The following PCCB variants were observed in gnomAD, a reference collection of about 807,000 sequenced individuals.
PCCB encodes the protein propionyl-CoA carboxylase subunit beta.
Under a neutral mutation model 60.7 loss-of-function variants are expected in PCCB, and 43 were observed. The observed-to-expected ratio is 0.71, with a 90% CI of 0.55 to 0.91. The LOEUF (loss-of-function observed/expected upper bound fraction) is 0.91. Ranked by LOEUF, PCCB falls within the 40% of genes least tolerant of loss-of-function variation. PCCB has a pLI of 0.00. For missense variants in PCCB, 766 were observed against 702.8 expected (o/e 1.09, Z -1.02); for synonymous variants, 276 against 255.9 (o/e 1.08, Z -0.75).
Position 136,250,569 on chromosome 3 carries a change from A to AGGGGCCTAAGTGAGTCCCGC in PCCB, c.183+12_183+31dup, listed in dbSNP as rs745694339. On this transcript the variant is annotated intron_variant, in intron 1 of 14. Transcript: ENST00000251654. ...GCGCAGCACAAGCGAGTGAGTCCTG[A>AGGGGCCTAAGTGAGTCCCGC]GGGGCCTAAGTGAGTCCCGCCCCTG... The AGGGGCCTAAGTGAGTCCCGC allele has an allele frequency of 1.2e-5, 20 of 1,608,572 alleles. No individual in the cohort carries two copies. The highest frequency in any genetic ancestry group is 1.1e-4 in the East Asian group (5 of 44,778).
chr3:136,261,480 C>G (rs752861031), intron 4 of PCCB, among the ~76,000 whole-genome samples: 1 of 152,144 alleles, frequency 6.6e-6, no homozygotes, highest in Non-Finnish European at 1.5e-5. Context: ...ATTATGCTGT[C>G]GGAATTACTA....
At chr3:136,254,319 A>G (rs868023854) in intron 1 of PCCB, among the ~76,000 whole-genome samples, 3 of 151,764 alleles carry the variant, frequency 2.0e-5, no homozygotes, top group Middle Eastern at 3.2e-3. Context: ...CCTGGGTTCA[A>G]GCGATTCTCT....
At chr3:136,315,386 CTGGGCA>C (rs1381396523) in intron 9 of PCCB, among the ~76,000 whole-genome samples, 1 of 152,100 alleles carries the variant, frequency 6.6e-6, no homozygotes, top group Non-Finnish European at 1.5e-5. Context: ...AAAAAATTAG[CTGGGCA>C]TGGTGGTGCG....
intron 9 of PCCB, among the ~76,000 whole-genome samples, chr3:136,311,496 A>G (rs1457065753): frequency 6.6e-6 from 1 of 151,046 alleles, no homozygotes; most frequent in South Asian, 2.1e-4. Context: ...ATCACCACAC[A>G]CACCTGATTT....
chr3:136,304,653 G>A lies in PCCB; in HGVS notation c.966+3542G>A, dbSNP rs768586572. 1.9e-4 allele frequency among the ~76,000 whole-genome samples: 22 copies of A among 116,442 alleles called. 5 individuals are homozygous for A. Among genetic ancestry groups the A allele is most frequent in the Non-Finnish European group, 4.0e-4 (21 of 52,536 alleles). The allele number at this position is 116,442 out of a possible 152,430, so 76.4% of individuals were successfully genotyped here. A position where few individuals can be genotyped will look rare whatever the true frequency, so the allele number is the denominator to read the frequency against. ...GCCCGCCTTGGCCTCCCAAAGTGTT[G>A]GGATTACAGATGTGAGCCACTGTGC... On this transcript the variant is annotated intron_variant, in intron 9 of 14. Transcript: ENST00000251654.
At chr3:136,279,534 A>C (rs980041333) in intron 5 of PCCB, among the ~76,000 whole-genome samples, 1 of 152,152 alleles carries the variant, frequency 6.6e-6, no homozygotes, top group Non-Finnish European at 1.5e-5. Flanking sequence ...TTAGTAGTAC[A>C]TAGACATACT....
At chr3:136,299,034 C>T (rs1407403552) in intron 8 of PCCB, among the ~76,000 whole-genome samples, 1 of 152,084 alleles carries the variant, frequency 6.6e-6, no homozygotes, top group East Asian at 1.9e-4. Context: ...TCACAAGGTC[C>T]AGAGCTGTGG....
chr3:136,265,314 A>C (rs912288104), intron 5 of PCCB, among the ~76,000 whole-genome samples: 1 of 152,226 alleles, frequency 6.6e-6, no homozygotes, highest in African/African-American at 2.4e-5. Flanking sequence ...TCTAGTTTTC[A>C]AACCTGCCAC....
Position 136,329,936 on chromosome 3 carries a change from C to A in PCCB, c.1530C>A (p.Ser510=). The part of the protein sequence containing the change: ...GFVDDIIQPS[S]TRARICCDLD... ...TGGATGACATCATCCAACCTTCTTC[C>A]ACACGTGCCCGAATCTGCTGTGACC... is the stretch of plus-strand genomic sequence containing the variant. Residue 510 remains serine, a synonymous_variant, in exon 15 of 15, where the codon TCC becomes TCA. Transcript: ENST00000251654. 1 of 1,614,164 alleles carries A rather than the reference C, an allele frequency of 6.2e-7. No homozygotes were observed. The highest frequency in any genetic ancestry group is 8.5e-7 in the Non-Finnish European group (1 of 1,180,014).
At chr3:136,299,927 TG>T (rs1279324131) in intron 8 of PCCB, among the ~76,000 whole-genome samples, 1 of 151,932 alleles carries the variant, frequency 6.6e-6, no homozygotes, top group African/African-American at 2.4e-5. Context: ...TGTATGCATA[TG>T]TATATGTATA....
At chr3:136,287,702 C>T (rs1035287325) in intron 6 of PCCB, among the ~76,000 whole-genome samples, 3 of 152,222 alleles carry the variant, frequency 2.0e-5, no homozygotes, top group Non-Finnish European at 4.4e-5. Flanking sequence ...TCCTAAAGTG[C>T]TGGGAGTATA....
intron 6 of PCCB, among the ~76,000 whole-genome samples, chr3:136,286,958 G>A (rs962904331): frequency 6.6e-6 from 1 of 151,650 alleles, no homozygotes; most frequent in Non-Finnish European, 1.5e-5. Context: ...TTCAACCTGA[G>A]AGGCGGAGGT....
At chr3:136,319,407 T>C (rs1013231307) in intron 10 of PCCB, among the ~76,000 whole-genome samples, 2 of 150,152 alleles carry the variant, frequency 1.3e-5, no homozygotes, top group Non-Finnish European at 2.9e-5. Flanking sequence ...TTTTTTGAGA[T>C]GGAGTCTCGC....
chr3:136,320,257 A>G (rs1348912459), intron 10 of PCCB, among the ~76,000 whole-genome samples: 1 of 152,188 alleles, frequency 6.6e-6, no homozygotes, highest in Non-Finnish European at 1.5e-5. Context: ...TTTGATAGGG[A>G]TGGTGTTGAA....
chr3:136,285,808 T>G (rs1933376417), intron 6 of PCCB, among the ~76,000 whole-genome samples: 1 of 152,244 alleles, frequency 6.6e-6, no homozygotes, highest in Non-Finnish European at 1.5e-5. Context: ...ATTTTCTGCT[T>G]ACAAAACTTT....
intron 6 of PCCB, among the ~76,000 whole-genome samples, chr3:136,284,778 G>A (rs1436489891): frequency 2.0e-5 from 3 of 152,102 alleles, no homozygotes; most frequent in Non-Finnish European, 4.4e-5. Flanking sequence ...AACAATAAGA[G>A]TGTCTTTTAT....
intron 10 of PCCB, among the ~76,000 whole-genome samples, chr3:136,318,100 A>AG (rs1488669865): frequency 1.3e-5 from 2 of 152,186 alleles, no homozygotes; most frequent in African/African-American, 2.4e-5. Context: ...GCACTTTGGG[A>AG]GGCCAAGGCG....
At chr3:136,274,399 C>T (rs1942288093) in intron 5 of PCCB, among the ~76,000 whole-genome samples, 1 of 152,110 alleles carries the variant, frequency 6.6e-6, no homozygotes, top group African/African-American at 2.4e-5. Flanking sequence ...TTGCTGGATG[C>T]AAAATTCTTG....
chr3:136,264,458 A>G (rs1200663539), intron 5 of PCCB, among the ~76,000 whole-genome samples: 16 of 148,176 alleles, frequency 1.1e-4, no homozygotes, highest in African/African-American at 3.5e-4. Flanking sequence ...GTATATATAT[A>G]TATGTTCCTC....
Sources: gnomAD v4.1 joint callset for allele counts (sites outside exome capture counted in the v4.1 genomes callset) on GRCh38, gnomAD v4.1.1 for gene constraint, MANE v1.5 for transcripts, NCBI Gene and HGNC (gene_info 2026-07-23, HGNC 2026-07-21) for gene names.